The following TTC17 variants were observed in gnomAD, a reference collection of about 807,000 sequenced individuals.
The protein encoded by TTC17 is tetratricopeptide repeat protein 17.
In TTC17, 58 loss-of-function variants were observed where a neutral mutation model predicts 143.8. The observed-to-expected ratio is 0.40, with a 90% CI of 0.33 to 0.50. The LOEUF is 0.50. Among genes scored for constraint, TTC17 ranks in the 20% least tolerant of loss-of-function variants. The pLI, the probability that TTC17 is intolerant of heterozygous loss-of-function variation, is 0.49. For synonymous variants in TTC17, 501 were observed against 497.8 expected (o/e 1.01, Z -0.09); for missense variants, 1,273 against 1,392.5 (o/e 0.91, Z 1.37).
chr11:43,454,721 A>G (rs1327975551), intron 21 of TTC17, among the ~76,000 whole-genome samples: 1 of 152,114 alleles, frequency 6.6e-6, no homozygotes, highest in Non-Finnish European at 1.5e-5. Flanking sequence ...AAAGCTTGAC[A>G]TGACAAAGAA....
intron 16 of TTC17, among the ~76,000 whole-genome samples, chr11:43,427,410 T>C (rs1947054284): frequency 6.6e-6 from 1 of 152,232 alleles, no homozygotes; most frequent in Non-Finnish European, 1.5e-5. Flanking sequence ...AAGAACTTTG[T>C]AACATCTGCC....
chr11:43,463,882 A>G (rs1268290795), intron 21 of TTC17, among the ~76,000 whole-genome samples: 1 of 152,248 alleles, frequency 6.6e-6, no homozygotes, highest in Non-Finnish European at 1.5e-5. Flanking sequence ...GGAAAGAATA[A>G]AAGACTAATT....
At chr11:43,397,553 T>G (rs973018913) in intron 7 of TTC17, 62 bp downstream of exon 7, 1 of 1,392,852 alleles carries the variant, frequency 7.2e-7, no homozygotes, top group East Asian at 2.3e-5. Flanking sequence ...TTTTTTTTTT[T>G]CTCCCCCCTC....
At chr11:43,386,616 G>A (rs1857178512) in intron 2 of TTC17, among the ~76,000 whole-genome samples, 2 of 152,046 alleles carry the variant, frequency 1.3e-5, no homozygotes, top group African/African-American at 4.8e-5. Context: ...AGTTGATAAA[G>A]TTGCCCACCT....
At position 43,443,407 on chromosome 11, in the gene TTC17, G is replaced by A. The variant is rs1258120920; in HGVS notation, c.2334G>A (p.Leu778=). The change falls in exon 17 of 24, where the codon TTG becomes TTA. Residue 778 remains leucine (L), a synonymous_variant. Transcript: ENST00000039989. ...AAATGTCAGAAGAAATACTGGCTTTGGTGGATGAATTTCAACAGGCATGGC... is the reference window on the plus strand; with the variant it reads ...AAATGTCAGAAGAAATACTGGCTTTAGTGGATGAATTTCAACAGGCATGGC... ...ETKMSEEILA[L]VDEFQQAWPL... The A allele has an allele frequency of 9.9e-6, 16 of 1,614,136 alleles. No homozygotes were observed. Among genetic ancestry groups the A allele is most frequent in the Non-Finnish European group, 1.2e-5 (14 of 1,180,014 alleles).
intron 12 of TTC17, 68 bp from the exon 13 acceptor site, chr11:43,405,718 G>GTTAA (rs1267384723): frequency 1.9e-6 from 3 of 1,611,884 alleles, no homozygotes; most frequent in Non-Finnish European, 2.5e-6. Context: ...GACTTGAAAA[G>GTTAA]TTAAGTCTTT....
chr11:43,470,205 T>C (rs1359491997), intron 21 of TTC17, among the ~76,000 whole-genome samples: 1 of 152,126 alleles, frequency 6.6e-6, no homozygotes, highest in African/African-American at 2.4e-5. Flanking sequence ...AGTTAGACAT[T>C]TCACATTCAT....
rs1455165581 is a variant in TTC17 at position 43,358,981 on chromosome 11, C to A, written c.27C>A (p.Gly9=). MAAAVGVR[G]RYELPPCSGP... is the part of the protein sequence containing the mutation. ...TGGCGGCGGCAGTAGGGGTTCGTGG[C>A]CGGTACGAGCTGCCGCCTTGCTCCG... The change falls in exon 1 of 24, where the codon GGC becomes GGA. Residue 9 remains glycine, a synonymous_variant. Coordinates refer to ENST00000039989, the MANE Select transcript of TTC17 (RefSeq NM_018259.6). 6.3e-7 allele frequency: 1 copy of A among 1,579,056 alleles called. No homozygotes were observed. The highest frequency in any genetic ancestry group is 1.4e-5 in the African/African-American group (1 of 72,046).
At chr11:43,392,604 G>C (rs182451126) in intron 5 of TTC17, among the ~76,000 whole-genome samples, 4 of 152,306 alleles carry the variant, frequency 2.6e-5, no homozygotes, top group Admixed American at 2.6e-4. Flanking sequence ...TGTATATTGA[G>C]AGGAATTTTC....
At chr11:43,419,455 CA>C (rs1255321258) in intron 16 of TTC17, among the ~76,000 whole-genome samples, 1 of 152,086 alleles carries the variant, frequency 6.6e-6, no homozygotes, top group Admixed American at 6.6e-5. Flanking sequence ...CTGTGTTCTT[CA>C]ACCTAAATTT....
chr11:43,475,201 T>G (rs1948162852), intron 21 of TTC17, among the ~76,000 whole-genome samples: 1 of 152,202 alleles, frequency 6.6e-6, no homozygotes, highest in Non-Finnish European at 1.5e-5. Context: ...TGATTATCCT[T>G]TATCCAAGAT....
intron 21 of TTC17, among the ~76,000 whole-genome samples, chr11:43,456,500 A>T (rs561470854): frequency 6.6e-6 from 1 of 152,368 alleles, no homozygotes; most frequent in African/African-American, 2.4e-5. Flanking sequence ...AGGATGTAGT[A>T]GGTCAAGGCA....
Position 43,445,065 on chromosome 11 carries a change from T to C in TTC17, c.2665+856T>C, listed in dbSNP as rs370320646. Among the ~76,000 whole-genome samples the C allele has an allele frequency of 1.6e-4, 24 of 152,322 alleles. No homozygotes were observed. The South Asian group carries it at 4.8e-3, about 30-fold the overall frequency. On this transcript the variant is annotated intron_variant, in intron 18 of 23. Coordinates refer to ENST00000039989, the MANE Select transcript of TTC17 (RefSeq NM_018259.6). ...AAATTTGTAAACAACATAAATGTTG[T>C]AATTGCCTAAATAAATCATAACACA...
intron 1 of TTC17, among the ~76,000 whole-genome samples, chr11:43,367,553 A>G (rs956706129): frequency 1.3e-4 from 20 of 152,202 alleles, no homozygotes; most frequent in African/African-American, 4.8e-4. Context: ...AAGTAAACAG[A>G]AGGCGCTCTG....
At chr11:43,401,609 T>C (rs1294139043) in intron 10 of TTC17, 51 bp downstream of exon 10, 2 of 1,326,658 alleles carry the variant, frequency 1.5e-6, no homozygotes, top group Non-Finnish European at 2.1e-6. Flanking sequence ...TTTATAAAGA[T>C]TTTTTAAAAC....
intron 1 of TTC17, among the ~76,000 whole-genome samples, chr11:43,362,190 TG>T: frequency 1.4e-5 from 2 of 146,736 alleles, no homozygotes; most frequent in South Asian, 4.3e-4. Flanking sequence ...TGTGTGTGTG[TG>T]TGTATTTTTA....
chr11:43,482,128 T>G, intron 21 of TTC17, among the ~76,000 whole-genome samples: 1 of 152,082 alleles, frequency 6.6e-6, no homozygotes, highest in East Asian at 1.9e-4. Context: ...AATAATCAGT[T>G]TGAGGATCCA....
At chr11:43,386,137 G>A (rs187362461) in intron 2 of TTC17, among the ~76,000 whole-genome samples, 10 of 150,408 alleles carry the variant, frequency 6.6e-5, no homozygotes, top group Admixed American at 6.0e-4. Context: ...GAAATTGATT[G>A]TCCATGTGGG....
intron 21 of TTC17, among the ~76,000 whole-genome samples, chr11:43,464,176 A>G (rs528515987): frequency 6.6e-6 from 1 of 151,430 alleles, no homozygotes; most frequent in East Asian, 2.0e-4. Flanking sequence ...GGTACTCGGG[A>G]GGGTGGGGCA....
Sources: allele counts gnomAD v4.1 joint callset (sites outside exome capture counted in the v4.1 genomes callset), GRCh38; gene constraint gnomAD v4.1.1; transcripts MANE v1.5; gene names NCBI Gene and HGNC (gene_info 2026-07-23, HGNC 2026-07-21).